The following FSTL5 variants were observed in gnomAD, a reference collection of about 807,000 sequenced individuals.
FSTL5 encodes follistatin-related protein 5.
FSTL5 carries 62 observed loss-of-function variants against 89.1 expected under a neutral mutation model. That is an observed-to-expected ratio of 0.70 (90% CI 0.57 to 0.86). The LOEUF (loss-of-function observed/expected upper bound fraction) is 0.86, where lower values mean the gene tolerates loss of function less well. Among genes scored for constraint, FSTL5 ranks in the 40% least tolerant of loss-of-function variants. FSTL5 has a pLI of 0.00. For synonymous variants in FSTL5, 383 were observed against 346.2 expected, an observed-to-expected ratio of 1.11 and a Z score of -1.18; for missense variants, 1,057 against 1,001.6, an observed-to-expected ratio of 1.06 and a Z score of -0.75.
chr4:161,716,607 TAAATAAAATA>T (rs1553960657), intron 6 of FSTL5, among the ~76,000 whole-genome samples: 5 of 151,776 alleles, frequency 3.3e-5, no homozygotes, highest in Admixed American at 1.3e-4. Flanking sequence ...AAAAAATAAA[TAAATAAAATA>T]AAATAAAATA....
intron 3 of FSTL5, among the ~76,000 whole-genome samples, chr4:161,938,896 A>G (rs1734503408): frequency 6.6e-6 from 1 of 151,944 alleles, no homozygotes; most frequent in Non-Finnish European, 1.5e-5. Context: ...TGGTGACATA[A>G]GGCACGGAAC....
chr4:161,492,375 T>C (rs1196414998), intron 12 of FSTL5, among the ~76,000 whole-genome samples: 1 of 152,164 alleles, frequency 6.6e-6, no homozygotes, highest in African/African-American at 2.4e-5. Context: ...ACTGTAGAGG[T>C]ATACCATGAA....
intron 4 of FSTL5, among the ~76,000 whole-genome samples, chr4:161,867,896 G>T (rs1407619547): frequency 6.6e-6 from 1 of 151,816 alleles, no homozygotes; most frequent in Non-Finnish European, 1.5e-5. Context: ...AGTAGTTAGG[G>T]TTTAATTCAA....
intron 8 of FSTL5, among the ~76,000 whole-genome samples, chr4:161,564,293 C>A (rs1732722797): frequency 6.6e-6 from 1 of 150,606 alleles, no homozygotes; most frequent in South Asian, 2.1e-4. Flanking sequence ...CAGTATATGA[C>A]CTGATCCTAT....
intron 4 of FSTL5, among the ~76,000 whole-genome samples, chr4:161,876,222 A>T (rs115466390): frequency 0.011 from 1,607 of 152,320 alleles, 35 homozygotes; most frequent in African/African-American, 0.037. Flanking sequence ...AAATGCCCCA[A>T]TGACATTTTT....
intron 7 of FSTL5, among the ~76,000 whole-genome samples, chr4:161,636,024 C>T (rs1735679290): frequency 6.6e-6 from 1 of 150,412 alleles, no homozygotes; most frequent in South Asian, 2.1e-4. Flanking sequence ...ATTTTAGTAA[C>T]ATACGTAGTT....
chr4:161,485,456 G>A (rs1390547249), intron 12 of FSTL5, among the ~76,000 whole-genome samples: 3 of 152,072 alleles, frequency 2.0e-5, no homozygotes, highest in Admixed American at 6.6e-5. Context: ...GCTTTCCTCC[G>A]CTGTCACCTT....
At chr4:161,684,351 C>T (rs1737632531) in intron 6 of FSTL5, among the ~76,000 whole-genome samples, 1 of 152,164 alleles carries the variant, frequency 6.6e-6, no homozygotes, top group Non-Finnish European at 1.5e-5. Flanking sequence ...GGAATTTCCA[C>T]ACTGCTTTCC....
intron 6 of FSTL5, among the ~76,000 whole-genome samples, chr4:161,759,046 C>CCT (rs1157536119): frequency 6.6e-6 from 1 of 152,116 alleles, no homozygotes; most frequent in Non-Finnish European, 1.5e-5. Context: ...ATTTTGGTTT[C>CCT]CCAATGAAGT....
At chr4:161,441,815 G>A (rs1275265428) in intron 15 of FSTL5, among the ~76,000 whole-genome samples, 1 of 151,996 alleles carries the variant, frequency 6.6e-6, no homozygotes, top group Non-Finnish European at 1.5e-5. Context: ...TTCTCTTCTT[G>A]GTAGGACTGT....
intron 7 of FSTL5, among the ~76,000 whole-genome samples, chr4:161,611,667 T>C (rs1734658330): frequency 1.3e-5 from 2 of 152,166 alleles, no homozygotes; most frequent in African/African-American, 4.8e-5. Context: ...AGTGAACACA[T>C]AGAAATGCTA....
chr4:162,020,717 C>A (rs1355846865), intron 3 of FSTL5, among the ~76,000 whole-genome samples: 2 of 151,808 alleles, frequency 1.3e-5, no homozygotes. Context: ...TGAAAATTAA[C>A]TTACTTCTTA....
At chr4:162,155,397 A>C (rs145235837) in intron 1 of FSTL5, among the ~76,000 whole-genome samples, 2 of 152,172 alleles carry the variant, frequency 1.3e-5, no homozygotes, top group African/African-American at 2.4e-5. Flanking sequence ...TCAAGCCTCA[A>C]ATAAAAACCC....
intron 10 of FSTL5, among the ~76,000 whole-genome samples, chr4:161,517,500 G>A (rs527801428): frequency 7.9e-4 from 120 of 152,156 alleles, no homozygotes; most frequent in Non-Finnish European, 1.3e-3. Context: ...CTTTACTAGT[G>A]CTTTTTAGTA....
intron 6 of FSTL5, among the ~76,000 whole-genome samples, chr4:161,661,934 G>T (rs368032649): frequency 5.9e-5 from 9 of 152,204 alleles, no homozygotes; most frequent in African/African-American, 2.2e-4. Flanking sequence ...GAATAATGAG[G>T]AACTGCCCAG....
chr4:161,892,998 T>C (rs1301511717), intron 4 of FSTL5, among the ~76,000 whole-genome samples: 1 of 152,104 alleles, frequency 6.6e-6, no homozygotes, highest in Non-Finnish European at 1.5e-5. Context: ...AAGATACAAG[T>C]GAGTGTTTTC....
chr4:162,060,089 C>T (rs1332458755), intron 2 of FSTL5, among the ~76,000 whole-genome samples: 4 of 152,066 alleles, frequency 2.6e-5, no homozygotes, highest in Non-Finnish European at 4.4e-5. Flanking sequence ...GAATCAAAAA[C>T]ACACATCACA....
chr4:162,122,709 T>C (rs1437480611), intron 1 of FSTL5, among the ~76,000 whole-genome samples: 1 of 152,136 alleles, frequency 6.6e-6, no homozygotes, highest in East Asian at 1.9e-4. Flanking sequence ...AAATGGATGT[T>C]ATCATGCAAA....
intron 3 of FSTL5, among the ~76,000 whole-genome samples, chr4:161,980,677 A>G (rs542224227): frequency 7.0e-4 from 106 of 151,734 alleles, no homozygotes; most frequent in African/African-American, 2.5e-3. Flanking sequence ...TTCATCTACT[A>G]GAGAGACCAG....
Sources: allele counts gnomAD v4.1 joint callset (sites outside exome capture counted in the v4.1 genomes callset), GRCh38; gene constraint gnomAD v4.1.1; transcripts MANE v1.5; gene names NCBI Gene and HGNC (gene_info 2026-07-23, HGNC 2026-07-21).